The following ANKH variants were observed in gnomAD, a reference collection of about 807,000 sequenced individuals.
The protein encoded by ANKH is mineralization regulator ANKH.
ANKH carries 15 observed loss-of-function variants against 49.0 expected under a neutral mutation model. That is an observed-to-expected ratio of 0.31 (90% CI 0.20 to 0.47). The LOEUF is 0.47. Ranked by LOEUF, ANKH falls within the 20% of genes least tolerant of loss-of-function variation. The probability of loss-of-function intolerance (pLI) is 1.00; values close to 1 mark genes in which losing one functional copy is unlikely to be tolerated. For synonymous variants in ANKH, 273 were observed against 260.0 expected (o/e 1.05, Z -0.48); for missense variants, 429 against 652.0 (o/e 0.66, Z 3.72).
At chr5:14,749,137 G>T in intron 6 of ANKH, 35 bp downstream of exon 6, 1 of 1,613,792 alleles carries the variant, frequency 6.2e-7, no homozygotes, top group Non-Finnish European at 8.5e-7. Context: ...CCACCAAGGT[G>T]ATCATAAGCC....
intron 8 of ANKH, among the ~76,000 whole-genome samples, chr5:14,720,996 G>A (rs535155851): frequency 2.6e-5 from 4 of 152,342 alleles, no homozygotes; most frequent in African/African-American, 7.2e-5. Context: ...ACCCAGAGGC[G>A]TTTTCCCATC....
chr5:14,826,016 T>C lies in ANKH; in HGVS notation c.96+45336A>G, dbSNP rs137886048. The C allele has an allele frequency of 2.7e-3, 412 of 154,214 alleles. 2 individuals carry two copies. Among genetic ancestry groups the C allele is most frequent in the African/African-American group, 9.1e-3 (379 of 41,646 alleles). 9.6% of individuals were successfully genotyped at this position (154,214 alleles called of 1,614,324 possible). ...TAATTGCAGATCCAAGTAAGGGTCC[T>C]AACTAATTTTTCCAGGACGAACTAA... On this transcript the variant is annotated intron_variant, in intron 1 of 11. Transcript: ENST00000284268.
rs189922970 is a variant in ANKH, at chr5:14,843,709, C to T, written c.96+27643G>A. Among the ~76,000 whole-genome samples, 17 of 152,282 alleles carry T rather than the reference C, an allele frequency of 1.1e-4. 1 individual carries two copies. The highest frequency in any genetic ancestry group is 1.9e-4 in the East Asian group (1 of 5,188). ...AACATGCGTTTCTCTCCTATTACCT[C>T]GCCCTAACAACCTTCCACTTACCTC... On this transcript the variant is annotated intron_variant, in intron 1 of 11. Transcript: ENST00000284268.
chr5:14,871,367 G>T lies in ANKH; in HGVS notation c.81C>A (p.Ile27=), dbSNP rs765278834. The change falls in exon 1 of 12, where the codon ATC becomes ATA. Residue 27 remains isoleucine (I), a synonymous_variant. Transcript: ENST00000284268. ...CGGGGCTTACCTGCTCCCCGAAGTCGATGGCTATGTTGGTGATGCCCAGGG... is the reference window on the plus strand; with the variant it reads ...CGGGGCTTACCTGCTCCCCGAAGTCTATGGCTATGTTGGTGATGCCCAGGG... The part of the protein sequence containing the change: ...LVPLGITNIA[I]DFGEQALNRG... The T allele has an allele frequency of 5.6e-6, 9 of 1,612,952 alleles. 1 individual carries two copies. The South Asian group carries it at 9.9e-5, about 18-fold the overall frequency.
chr5:14,846,700 G>A (rs1741970112), intron 1 of ANKH, among the ~76,000 whole-genome samples: 1 of 152,054 alleles, frequency 6.6e-6, no homozygotes, highest in African/African-American at 2.4e-5. Context: ...GGTTAAGAAT[G>A]AACCTCAAGG....
At chr5:14,769,979 A>G (rs945331971) in intron 1 of ANKH, among the ~76,000 whole-genome samples, 1 of 152,152 alleles carries the variant, frequency 6.6e-6, no homozygotes, top group East Asian at 1.9e-4. Flanking sequence ...CTTCCAAACT[A>G]AATTTCCCAC....
At chr5:14,779,806 A>T (rs1269558718) in intron 1 of ANKH, among the ~76,000 whole-genome samples, 2 of 152,202 alleles carry the variant, frequency 1.3e-5, no homozygotes, top group Non-Finnish European at 2.9e-5. Context: ...TTCCATGACT[A>T]CTTCCACCAA....
chr5:14,810,937 A>G (rs1345517257), intron 1 of ANKH, among the ~76,000 whole-genome samples: 1 of 152,180 alleles, frequency 6.6e-6, no homozygotes, highest in Non-Finnish European at 1.5e-5. Context: ...TCTCATTTCC[A>G]TCGTGACAAA....
chr5:14,779,217 T>C (rs1739731112), intron 1 of ANKH, among the ~76,000 whole-genome samples: 1 of 152,182 alleles, frequency 6.6e-6, no homozygotes, highest in Non-Finnish European at 1.5e-5. Context: ...TACCTTTATG[T>C]TCCTCTGACC....
intron 1 of ANKH, among the ~76,000 whole-genome samples, chr5:14,775,025 GT>G (rs1398432168): frequency 2.0e-5 from 3 of 151,440 alleles, no homozygotes; most frequent in Non-Finnish European, 4.4e-5. Context: ...TATATACTAT[GT>G]TTTTTCCTAT....
At chr5:14,767,203 A>G (rs1260759164) in intron 2 of ANKH, among the ~76,000 whole-genome samples, 1 of 152,232 alleles carries the variant, frequency 6.6e-6, no homozygotes, top group African/African-American at 2.4e-5. Context: ...TTACAGGATT[A>G]CTAAAAACAG....
intron 1 of ANKH, among the ~76,000 whole-genome samples, chr5:14,867,910 G>C (rs879552634): frequency 6.6e-6 from 1 of 151,900 alleles, no homozygotes; most frequent in Admixed American, 6.6e-5. Flanking sequence ...AAATTCAAAC[G>C]CTCCCCCCAC....
chr5:14,726,293 C>T (rs565381755), intron 8 of ANKH, among the ~76,000 whole-genome samples: 17 of 152,144 alleles, frequency 1.1e-4, no homozygotes, highest in Non-Finnish European at 2.4e-4. Context: ...TGCCAGACTG[C>T]ACCAGCTGCA....
chr5:14,820,782 C>T (rs2126586096), intron 1 of ANKH, among the ~76,000 whole-genome samples: 1 of 152,292 alleles, frequency 6.6e-6, no homozygotes, highest in East Asian at 1.9e-4. Context: ...GAATTTTTGT[C>T]AGTTTCTACC....
At chr5:14,794,885 T>C (rs893014991) in intron 1 of ANKH, among the ~76,000 whole-genome samples, 7 of 152,350 alleles carry the variant, frequency 4.6e-5, no homozygotes, top group Middle Eastern at 3.4e-3. Context: ...GGTGAGGCAA[T>C]GAAAACGGAA....
chr5:14,863,248 C>T (rs1580124956), intron 1 of ANKH, among the ~76,000 whole-genome samples: 1 of 152,098 alleles, frequency 6.6e-6, no homozygotes, highest in Non-Finnish European at 1.5e-5. Context: ...TACCACACAC[C>T]TAAGAGTCTC....
intron 2 of ANKH, among the ~76,000 whole-genome samples, chr5:14,762,954 A>C (rs1739138450): frequency 6.6e-6 from 1 of 152,326 alleles, no homozygotes; most frequent in South Asian, 2.1e-4. Context: ...TTGCAACAGC[A>C]AGAAGACACT....
rs1256153003 is a variant in ANKH at position 14,705,297 on chromosome 5, AT to A, written c.*5899del. 2 of 152,190 alleles carry A rather than the reference AT, an allele frequency of 1.3e-5. No individual in the cohort carries two copies. The highest frequency in any genetic ancestry group is 1.9e-4 in the East Asian group (1 of 5,202). 9.4% of individuals were successfully genotyped at this position (152,190 alleles called of 1,614,324 possible). ...CTTAATTTTGTTTAAAAAAAAAAAA[AT>A]CTAGATCACTGCTAATGTTCAGATC... is the stretch of plus-strand genomic sequence containing the variant. On this transcript the variant is annotated 3_prime_UTR_variant, in exon 12 of 12. Transcript: ENST00000284268.
chr5:14,811,416 A>G (rs1193653532), intron 1 of ANKH, among the ~76,000 whole-genome samples: 1 of 152,142 alleles, frequency 6.6e-6, no homozygotes, highest in Admixed American at 6.6e-5. Context: ...CAACTGTACG[A>G]CGTCAGTGGG....
Sources: allele counts gnomAD v4.1 joint callset (sites outside exome capture counted in the v4.1 genomes callset), GRCh38; gene constraint gnomAD v4.1.1; transcripts MANE v1.5; gene names NCBI Gene and HGNC (gene_info 2026-07-23, HGNC 2026-07-21).